Variants in CAMK4 observed in about 807,000 individuals in gnomAD.
CAMK4 encodes calcium/calmodulin-dependent protein kinase type IV.
A neutral mutation model predicts 44.9 loss-of-function variants in CAMK4; 22 were observed. That is an observed-to-expected ratio of 0.49 (90% confidence interval 0.35 to 0.70). The LOEUF is 0.70. Among genes scored for constraint, CAMK4 ranks in the 30% least tolerant of loss-of-function variants. The pLI is 0.01. For synonymous variants in CAMK4, 218 were observed against 215.4 expected (o/e 1.01, Z -0.11); for missense variants, 498 against 586.8 (o/e 0.85, Z 1.56).
chr5:111,228,511 T>G (rs867800311), intron 1 of CAMK4, among the ~76,000 whole-genome samples: 13 of 119,154 alleles, frequency 1.1e-4, no homozygotes, highest in South Asian at 4.9e-4. Context: ...TAGTAAGGGG[T>G]GTGTGTGTGT....
At chr5:111,393,270 C>G (rs1751875735) in intron 4 of CAMK4, among the ~76,000 whole-genome samples, 1 of 152,120 alleles carries the variant, frequency 6.6e-6, no homozygotes, top group African/African-American at 2.4e-5. Context: ...ATACACAATA[C>G]TCCCTATAAA....
At chr5:111,433,123 A>G (rs1048434141) in intron 5 of CAMK4, among the ~76,000 whole-genome samples, 3 of 152,184 alleles carry the variant, frequency 2.0e-5, no homozygotes, top group African/African-American at 7.2e-5. Flanking sequence ...GTCACTGCTG[A>G]TATGTTCACA....
intron 9 of CAMK4, 40 bp downstream of exon 9, chr5:111,478,547 A>G (rs750290427): frequency 1.6e-6 from 2 of 1,214,342 alleles, no homozygotes; most frequent in Admixed American, 2.5e-5. Context: ...AATGAAATAA[A>G]TTTATTTTTA....
At chr5:111,434,784 T>A (rs1753589063) in intron 5 of CAMK4, among the ~76,000 whole-genome samples, 1 of 152,190 alleles carries the variant, frequency 6.6e-6, no homozygotes, top group South Asian at 2.1e-4. Flanking sequence ...TCACTCTAAT[T>A]TTTTTGAGTA....
At chr5:111,243,945 C>A (rs1749118070) in intron 1 of CAMK4, among the ~76,000 whole-genome samples, 1 of 152,050 alleles carries the variant, frequency 6.6e-6, no homozygotes, top group Admixed American at 6.5e-5. Flanking sequence ...TCAACCAGTC[C>A]AGTGTTTTGT....
At chr5:111,296,150 C>A (rs1312980414) in intron 1 of CAMK4, among the ~76,000 whole-genome samples, 1 of 152,230 alleles carries the variant, frequency 6.6e-6, no homozygotes, top group Admixed American at 6.5e-5. Context: ...AGTATCCCAC[C>A]TCCACCCCTG....
At chr5:111,405,836 C>G (rs1488942119) in intron 5 of CAMK4, among the ~76,000 whole-genome samples, 1 of 152,140 alleles carries the variant, frequency 6.6e-6, no homozygotes, top group African/African-American at 2.4e-5. Flanking sequence ...AAAGCACGAC[C>G]TTCCCCTCAA....
At chr5:111,413,576 CAAA>C (rs34333932) in intron 5 of CAMK4, among the ~76,000 whole-genome samples, 1 of 133,322 alleles carries the variant, frequency 7.5e-6, no homozygotes. Flanking sequence ...CACTCCATCT[CAAA>C]AAAAAAAAAA....
chr5:111,283,840 A>G (rs1036361082), intron 1 of CAMK4, among the ~76,000 whole-genome samples: 5 of 152,214 alleles, frequency 3.3e-5, no homozygotes, highest in African/African-American at 1.2e-4. Flanking sequence ...TAACTGATTA[A>G]TAGTATTCTG....
At chr5:111,344,191 G>A in intron 2 of CAMK4, 89 bp downstream of exon 2, 1 of 753,292 alleles carries the variant, frequency 1.3e-6, no homozygotes, top group Non-Finnish European at 2.3e-6. Flanking sequence ...AGGGGCCAGA[G>A]AGCTGCTGTG....
intron 7 of CAMK4, among the ~76,000 whole-genome samples, chr5:111,467,839 A>G (rs969263256): frequency 1.3e-5 from 2 of 152,072 alleles, no homozygotes; most frequent in Non-Finnish European, 2.9e-5. Context: ...TGATCCAGCA[A>G]TCCCACTACT....
intron 1 of CAMK4, among the ~76,000 whole-genome samples, chr5:111,291,930 T>C (rs1397834266): frequency 6.6e-6 from 1 of 152,258 alleles, no homozygotes; most frequent in Admixed American, 6.5e-5. Flanking sequence ...CATACTATTT[T>C]ATAAGGACAG....
At chr5:111,266,291 T>C (rs1255758475) in intron 1 of CAMK4, among the ~76,000 whole-genome samples, 2 of 152,056 alleles carry the variant, frequency 1.3e-5, no homozygotes, top group Admixed American at 6.6e-5. Flanking sequence ...TCCCTTATTA[T>C]ATTTATTCTG....
At chr5:111,320,638 C>T (rs184647166) in intron 1 of CAMK4, among the ~76,000 whole-genome samples, 1 of 152,194 alleles carries the variant, frequency 6.6e-6, no homozygotes, top group East Asian at 1.9e-4. Context: ...TCCCAAGTAG[C>T]TGGGATTACA....
At chr5:111,231,744 AAT>A (rs1381586789) in intron 1 of CAMK4, among the ~76,000 whole-genome samples, 1 of 152,206 alleles carries the variant, frequency 6.6e-6, no homozygotes, top group Non-Finnish European at 1.5e-5. Context: ...ATTTACCAAG[AAT>A]ACAATTTTCA....
intron 1 of CAMK4, among the ~76,000 whole-genome samples, chr5:111,333,879 A>G (rs1277316731): frequency 6.6e-6 from 1 of 151,624 alleles, no homozygotes; most frequent in Non-Finnish European, 1.5e-5. Flanking sequence ...CCTGTAAGAC[A>G]GTGGCTGTAG....
chr5:111,434,631 G>A (rs62371281), intron 5 of CAMK4, among the ~76,000 whole-genome samples: 22,620 of 152,054 alleles, frequency 0.15, 1,876 homozygotes, highest in Non-Finnish European at 0.2. Flanking sequence ...TTGCTTTCTC[G>A]TATATTCTGT....
intron 1 of CAMK4, among the ~76,000 whole-genome samples, chr5:111,324,672 T>C (rs1748800718): frequency 6.6e-6 from 1 of 152,034 alleles, no homozygotes; most frequent in South Asian, 2.1e-4. Flanking sequence ...TATATATGAT[T>C]TGAATATTAC....
At position 111,484,341 on chromosome 5, in the gene CAMK4, G is replaced by C. The variant is rs756355340; in HGVS notation, c.1297G>C (p.Glu433Gln). ...DGIKVADLEL[E>Q]EGLAEEKLKT... Reference sequence around the variant, plus strand: ...GATAAAGGTGGCTGACCTGGAACTAGAGGAGGGCCTAGCAGAGGAGAAGCT... The same window carrying C: ...GATAAAGGTGGCTGACCTGGAACTACAGGAGGGCCTAGCAGAGGAGAAGCT... Residue 433 changes from glutamate to glutamine, a missense_variant, in exon 11 of 11, where the codon GAG becomes CAG. Glu to Gln is a conservative substitution (Grantham distance 29, BLOSUM62 2). Around this residue, in one of 3 missense-constraint regions of CAMK4, gnomAD observed 143 missense variants for 144.9 expected, o/e 0.99. Transcript: ENST00000282356. This position sits in a 1 kb window ranked among gnomAD's most constrained non-coding sequence, Gnocchi z 5.3. The C allele has an allele frequency of 4.3e-6, 7 of 1,613,704 alleles. No homozygotes were observed. The South Asian group carries it at 7.7e-5, about 18-fold the overall frequency.
Sources: allele counts gnomAD v4.1 joint callset (sites outside exome capture counted in the v4.1 genomes callset), GRCh38; gene constraint gnomAD v4.1.1; regional missense constraint gnomAD v4.1.1; non-coding constraint Gnocchi (gnomAD v3.1); transcripts MANE v1.5; gene names NCBI Gene and HGNC (gene_info 2026-07-23, HGNC 2026-07-21).